The following CLEC19A variants were observed in gnomAD, a reference collection of about 807,000 sequenced individuals.
The protein encoded by CLEC19A is C-type lectin domain family 19 member A.
A neutral mutation model predicts 26.1 loss-of-function variants in CLEC19A; 21 were observed. That is an observed-to-expected ratio of 0.80 (90% CI 0.57 to 1.16). The LOEUF is 1.16. CLEC19A is among the 50% of genes most tolerant of loss of function. CLEC19A has a pLI of 0.00. For synonymous variants in CLEC19A, 89 were observed against 88.6 expected, an observed-to-expected ratio of 1.00 and a Z score of -0.03; for missense variants, 224 against 227.6, an observed-to-expected ratio of 0.98 and a Z score of 0.10.
Position 19,290,430 on chromosome 16 carries a change from A to T in CLEC19A, c.88+4491A>T, listed in dbSNP as rs179202. Among the ~76,000 whole-genome samples the T allele has an allele frequency of 2.3e-3, 341 of 151,466 alleles. 1 individual carries two copies. Among genetic ancestry groups the T allele is most frequent in the African/African-American group, 7.9e-3 (328 of 41,258 alleles). On this transcript the variant is annotated intron_variant, in intron 1 of 4. Transcript: ENST00000636231. Reference sequence around the variant, plus strand: ...TGCTAAACCATTTCTAATTCTCCAAAGCTCCATTCTCTCTCACACCTCCAG... The same window carrying T: ...TGCTAAACCATTTCTAATTCTCCAATGCTCCATTCTCTCTCACACCTCCAG...
intron 1 of CLEC19A, among the ~76,000 whole-genome samples, chr16:19,297,518 T>C (rs1188196381): frequency 6.6e-6 from 1 of 152,158 alleles, no homozygotes; most frequent in Non-Finnish European, 1.5e-5. Context: ...AAAAGCTTTA[T>C]GCACAAAACT....
intron 1 of CLEC19A, among the ~76,000 whole-genome samples, chr16:19,295,547 A>C (rs1897689550): frequency 6.6e-6 from 1 of 152,014 alleles, no homozygotes; most frequent in Admixed American, 6.6e-5. Flanking sequence ...TCACACTGGG[A>C]TGGCTTGGTC....
chr16:19,306,134 C>T (rs1451249779), intron 3 of CLEC19A, among the ~76,000 whole-genome samples: 2 of 148,616 alleles, frequency 1.3e-5, no homozygotes, highest in African/African-American at 2.5e-5. Context: ...TGAGCCACCT[C>T]GCCCGGCCTA....
chr16:19,292,800 G>A (rs1897617149), intron 1 of CLEC19A, among the ~76,000 whole-genome samples: 1 of 152,206 alleles, frequency 6.6e-6, no homozygotes, highest in African/African-American at 2.4e-5. Context: ...ATGTCTTTGA[G>A]AAATGGCAAA....
Position 19,309,223 on chromosome 16 carries a change from A to G in CLEC19A, c.*140A>G, listed in dbSNP as rs1898017917. ...CAGAGATTTTAAACAAGCAGATCTT[A>G]ATTATACAGGGTGGTCACTTGGCCA... On this transcript the variant is annotated 3_prime_UTR_variant, in exon 5 of 5. Transcript: ENST00000636231. 1 of 650,578 alleles carries G rather than the reference A, an allele frequency of 1.5e-6. No homozygotes were observed. The highest frequency in any genetic ancestry group is 1.9e-5 in the African/African-American group (1 of 53,934). The allele number at this position is 650,578 out of a possible 1,614,324, so 40.3% of individuals were successfully genotyped here.
At chr16:19,308,119 C>G (rs1205053150) in intron 4 of CLEC19A, among the ~76,000 whole-genome samples, 10 of 152,136 alleles carry the variant, frequency 6.6e-5, no homozygotes, top group Non-Finnish European at 1.5e-4. Flanking sequence ...CAAATTCTGG[C>G]CCTGTTTCTT....
At chr16:19,304,445 G>A (rs1401186352) in intron 3 of CLEC19A, 1 of 272,334 alleles carries the variant, frequency 3.7e-6, no homozygotes, top group African/African-American at 2.2e-5. Context: ...GCTCATGCCT[G>A]TAATCCCAGC....
rs923226622 is a variant in CLEC19A at position 19,293,487 on chromosome 16, G to A, written c.89-5186G>A. Among the ~76,000 whole-genome samples the A allele has an allele frequency of 2.6e-5, 4 of 151,792 alleles. No homozygotes were observed. In the South Asian group the frequency reaches 8.3e-4, roughly 32 times the overall value. Reference sequence around the variant, plus strand: ...ATTTTTTTTTTTTGTTTTTGAGACAGGGTCTTGCTCTGTCACCCAGGCTGG... The same window carrying A: ...ATTTTTTTTTTTTGTTTTTGAGACAAGGTCTTGCTCTGTCACCCAGGCTGG... On this transcript the variant is annotated intron_variant, in intron 1 of 4. Coordinates refer to ENST00000636231, the MANE Select transcript of CLEC19A (RefSeq NM_001256720.2).
intron 2 of CLEC19A, 111 bp from the exon 3 acceptor site, chr16:19,303,951 C>A: frequency 1.2e-6 from 1 of 834,760 alleles, no homozygotes; most frequent in Non-Finnish European, 1.8e-6. Flanking sequence ...TGGATCATAT[C>A]CTCTATTTAC....
At chr16:19,305,585 T>A (rs1051274161) in intron 3 of CLEC19A, among the ~76,000 whole-genome samples, 1 of 152,196 alleles carries the variant, frequency 6.6e-6, no homozygotes, top group African/African-American at 2.4e-5. Context: ...GCTCCTTTTC[T>A]GCCACTTACT....
chr16:19,307,496 A>G, intron 3 of CLEC19A, 49 bp from the exon 4 acceptor site: 5 of 1,543,342 alleles, frequency 3.2e-6, no homozygotes, highest in Non-Finnish European at 4.4e-6. Context: ...CAAATGCCTG[A>G]TCTTCTTCTT....
chr16:19,295,157 C>T (rs1158464867), intron 1 of CLEC19A, among the ~76,000 whole-genome samples: 1 of 152,002 alleles, frequency 6.6e-6, no homozygotes, highest in African/African-American at 2.4e-5. Flanking sequence ...AATTTCAGTT[C>T]GCTGGGAACT....
At position 19,309,483 on chromosome 16, in the gene CLEC19A, G is replaced by C. The variant is rs575437309; in HGVS notation, c.*400G>C. 2.0e-5 allele frequency: 3 copies of C among 150,184 alleles called. No homozygotes were observed. The highest frequency in any genetic ancestry group is 4.4e-5 in the Non-Finnish European group (3 of 68,538). 9.3% of individuals were successfully genotyped at this position (150,184 alleles called of 1,614,324 possible). A position where few individuals can be genotyped will look rare whatever the true frequency, so the allele number is the denominator to read the frequency against. ...GGGTGGAAGTCACATTATCAGAGGC[G>C]CTGGGAGTGGGGGAAAATGCGGGGG... On this transcript the variant is annotated 3_prime_UTR_variant, in exon 5 of 5. Coordinates refer to ENST00000636231, the MANE Select transcript of CLEC19A (RefSeq NM_001256720.2).
intron 2 of CLEC19A, among the ~76,000 whole-genome samples, chr16:19,301,142 C>G (rs1030978829): frequency 1.3e-5 from 2 of 152,156 alleles, no homozygotes; most frequent in Non-Finnish European, 2.9e-5. Flanking sequence ...AAAGCAAATG[C>G]AAAAGTGATT....
chr16:19,300,062 A>G (rs1897785609), intron 2 of CLEC19A, among the ~76,000 whole-genome samples: 1 of 151,978 alleles, frequency 6.6e-6, no homozygotes, highest in Non-Finnish European at 1.5e-5. Flanking sequence ...CATCTCTACT[A>G]AAAATACAAA....
chr16:19,294,353 A>G (rs1227746645), intron 1 of CLEC19A, among the ~76,000 whole-genome samples: 1 of 152,236 alleles, frequency 6.6e-6, no homozygotes, highest in Non-Finnish European at 1.5e-5. Flanking sequence ...AGATAGAGAT[A>G]GAGAGCAAAG....
intron 2 of CLEC19A, among the ~76,000 whole-genome samples, chr16:19,301,752 T>TTG (rs1897836516): frequency 7.5e-6 from 1 of 133,896 alleles, no homozygotes; most frequent in Non-Finnish European, 1.6e-5. Flanking sequence ...TTTTTTTTTT[T>TTG]TTTTTTTTTT....
chr16:19,308,175 T>G (rs1466511561), intron 4 of CLEC19A, among the ~76,000 whole-genome samples: 1 of 152,202 alleles, frequency 6.6e-6, no homozygotes, highest in Non-Finnish European at 1.5e-5. Flanking sequence ...TCTCTGAGAT[T>G]CTGTTTCTTC....
intron 1 of CLEC19A, among the ~76,000 whole-genome samples, chr16:19,298,092 A>C (rs553901613): frequency 3.9e-5 from 6 of 152,142 alleles, no homozygotes; most frequent in African/African-American, 1.4e-4. Context: ...CTCTACTAAA[A>C]ATACAAAATT....
Sources: allele counts gnomAD v4.1 joint callset (sites outside exome capture counted in the v4.1 genomes callset), GRCh38; gene constraint gnomAD v4.1.1; transcripts MANE v1.5; gene names NCBI Gene and HGNC (gene_info 2026-07-23, HGNC 2026-07-21).